Variants in AMZ1 observed in about 807,000 individuals in gnomAD.
The protein encoded by AMZ1 is archaelysin family metallopeptidase 1.
A neutral mutation model predicts 29.9 loss-of-function variants in AMZ1; 39 were observed. The ratio of observed to expected loss-of-function variants is 1.30; its 90% confidence interval spans 1.01 to 1.70. The LOEUF (loss-of-function observed/expected upper bound fraction) is 1.70. AMZ1 is among the 40% of genes most tolerant of loss of function. The pLI is 0.00. For synonymous variants in AMZ1, 458 were observed against 304.0 expected, an observed-to-expected ratio of 1.51 and a Z score of -5.27; for missense variants, 1,041 against 680.6, an observed-to-expected ratio of 1.53 and a Z score of -5.89.
intron 4 of AMZ1, among the ~76,000 whole-genome samples, chr7:2,727,581 G>C (rs1789673853): frequency 6.6e-6 from 1 of 151,862 alleles, no homozygotes; most frequent in Non-Finnish European, 1.5e-5. Flanking sequence ...GGCCTGGGTT[G>C]GTCTCAAACT....
At chr7:2,710,583 G>C (rs1397126171) in intron 6 of AMZ1, among the ~76,000 whole-genome samples, 1 of 152,176 alleles carries the variant, frequency 6.6e-6, no homozygotes, top group Non-Finnish European at 1.5e-5. Flanking sequence ...TTCCTTCTGG[G>C]GTAGAGTGAG....
chr7:2,723,553 C>G (rs536345281), downstream of AMZ1, among the ~76,000 whole-genome samples: 1 of 152,230 alleles, frequency 6.6e-6, no homozygotes, highest in Admixed American at 6.5e-5. Flanking sequence ...TGGGAGCCAG[C>G]TGTCGGACTG....
In AMZ1 at chr7:2,717,982, CG is replaced by C. The variant is rs1789227637; in HGVS notation, c.*5106del. 6.6e-6 allele frequency among the ~76,000 whole-genome samples: 1 copy of C among 152,194 alleles called. No individual in the cohort carries two copies. Among genetic ancestry groups the C allele is most frequent in the Non-Finnish European group, 1.5e-5 (1 of 68,030 alleles). On this transcript the variant is annotated 3_prime_UTR_variant, in exon 7 of 7. Transcript: ENST00000683327. ...AGTCACCGGAGTCGAGCAAACACGG[CG>C]GCCCCTGCCTCCCCCGGCGGCTCCA...
At chr7:2,749,231 A>C (rs1038018225) in intron 4 of AMZ1, among the ~76,000 whole-genome samples, 3 of 152,192 alleles carry the variant, frequency 2.0e-5, no homozygotes, top group Non-Finnish European at 4.4e-5. Context: ...TTGCGGCACT[A>C]TTCACAATAG....
At position 2,713,169 on chromosome 7, in the gene AMZ1, G is replaced by C. The variant is rs1788910390; in HGVS notation, c.*291G>C. On this transcript the variant is annotated 3_prime_UTR_variant, in exon 7 of 7. Transcript: ENST00000683327. The stretch of plus-strand genomic sequence containing the variant: ...AGGTGGGAGGATTGCTTGAGCCTAG[G>C]AGGTCGAGGCTGCAGTGGGATGTGA... 1 of 281,196 alleles carries C rather than the reference G, an allele frequency of 3.6e-6. No homozygotes were observed. Among genetic ancestry groups the C allele is most frequent in the African/African-American group, 2.2e-5 (1 of 45,654 alleles). 17.4% of individuals were successfully genotyped at this position (281,196 alleles called of 1,614,324 possible).
At chr7:2,721,403 G>A (rs185795664), downstream of AMZ1, among the ~76,000 whole-genome samples, 5 of 152,346 alleles carry the variant, frequency 3.3e-5, no homozygotes, top group Admixed American at 3.3e-4. Context: ...AGAATCCACT[G>A]CCACACACAT....
At chr7:2,689,617 G>A (rs1435318641) in intron 1 of AMZ1, among the ~76,000 whole-genome samples, 1 of 152,228 alleles carries the variant, frequency 6.6e-6, no homozygotes, top group African/African-American at 2.4e-5. Context: ...TGTGTCGCCA[G>A]GGCCAAGTCA....
chr7:2,697,804 A>G (rs1787831940), intron 1 of AMZ1, among the ~76,000 whole-genome samples: 2 of 152,188 alleles, frequency 1.3e-5, no homozygotes, highest in African/African-American at 2.4e-5. Context: ...AGGATTATAT[A>G]TGCAGTTGGA....
chr7:2,687,049 C>G (rs1787106518), upstream of AMZ1, among the ~76,000 whole-genome samples: 1 of 146,414 alleles, frequency 6.8e-6, no homozygotes, highest in South Asian at 2.5e-4. Flanking sequence ...TTCTTTGAGG[C>G]TGGGTGTGGT....
chr7:2,733,348 C>A (rs1481360926), intron 4 of AMZ1: 2 of 886,106 alleles, frequency 2.3e-6, no homozygotes, highest in South Asian at 2.8e-5. Flanking sequence ...ACAAGCTCGG[C>A]CTGTCAGTCC....
intron 4 of AMZ1, among the ~76,000 whole-genome samples, chr7:2,753,608 T>C (rs1791142685): frequency 6.6e-6 from 1 of 152,198 alleles, no homozygotes; most frequent in African/African-American, 2.4e-5. Flanking sequence ...ATTTTGGTTG[T>C]TTCTGTATTT....
chr7:2,742,016 A>T (rs973536731), intron 4 of AMZ1, among the ~76,000 whole-genome samples: 11 of 151,310 alleles, frequency 7.3e-5, no homozygotes, highest in Non-Finnish European at 1.6e-4. Context: ...AAACACTTGA[A>T]TTTTTTTATT....
At chr7:2,729,764 T>C (rs1483323746) in intron 4 of AMZ1, 1 of 152,408 alleles carries the variant, frequency 6.6e-6, no homozygotes, top group Non-Finnish European at 1.5e-5. Context: ...TTGTAAATGC[T>C]AGGACACATC....
rs1423318694 is a variant in AMZ1 at position 2,716,584 on chromosome 7, G to A, written c.*3706G>A. Reference sequence around the variant, plus strand: ...TTAGATCCCACCAAGTTCAAAGGGGGAGGCTAGAACATTCCAGGGACACAC... The same window carrying A: ...TTAGATCCCACCAAGTTCAAAGGGGAAGGCTAGAACATTCCAGGGACACAC... On this transcript the variant is annotated 3_prime_UTR_variant, in exon 7 of 7. Coordinates refer to ENST00000683327, the MANE Select transcript of AMZ1 (RefSeq NM_001384743.1). 2 of 152,248 alleles carry A rather than the reference G, an allele frequency of 1.3e-5. No individual in the cohort carries two copies. Among genetic ancestry groups the A allele is most frequent in the Non-Finnish European group, 2.9e-5 (2 of 68,052 alleles). 9.4% of individuals were successfully genotyped at this position (152,248 alleles called of 1,614,324 possible). A position where few individuals can be genotyped will look rare whatever the true frequency, so the allele number is the denominator to read the frequency against.
chr7:2,696,407 C>G (rs1047509357), intron 1 of AMZ1, among the ~76,000 whole-genome samples: 3 of 151,260 alleles, frequency 2.0e-5, no homozygotes, highest in African/African-American at 7.3e-5. Flanking sequence ...CAGGCGCCCG[C>G]CACCACGCCT....
intron 3 of AMZ1, among the ~76,000 whole-genome samples, chr7:2,706,100 T>C (rs1221062005): frequency 6.6e-6 from 1 of 152,338 alleles, no homozygotes; most frequent in South Asian, 2.1e-4. Flanking sequence ...GAAAAGGACA[T>C]GCACTCGGGA....
At chr7:2,737,585 G>A (rs149000108) in intron 4 of AMZ1, among the ~76,000 whole-genome samples, 25 of 152,178 alleles carry the variant, frequency 1.6e-4, no homozygotes, top group Admixed American at 7.2e-4. Context: ...CACAGCGCCC[G>A]GCCCTGTCTT....
In AMZ1 at chr7:2,712,959, C is replaced by T; in HGVS notation, c.*81C>T. 1 of 1,385,224 alleles carries T rather than the reference C, an allele frequency of 7.2e-7. No individual in the cohort carries two copies. The highest frequency in any genetic ancestry group is 2.0e-4 in the Middle Eastern group (1 of 4,920). 85.8% of individuals were successfully genotyped at this position (1,385,224 alleles called of 1,614,324 possible). On this transcript the variant is annotated 3_prime_UTR_variant, in exon 7 of 7. Transcript: ENST00000683327. ...AGTAGCTGAGGCCACTACTGACCTG[C>T]CAGGGATAAAGAGGAAGGGTCTGCC...
At chr7:2,691,869 G>T (rs192959627) in intron 1 of AMZ1, among the ~76,000 whole-genome samples, 1 of 152,276 alleles carries the variant, frequency 6.6e-6, no homozygotes, top group East Asian at 1.9e-4. Context: ...GGAAAGCTGG[G>T]ACACAGACCA....
Sources: gnomAD v4.1 joint callset for allele counts (sites outside exome capture counted in the v4.1 genomes callset) on GRCh38, gnomAD v4.1.1 for gene constraint, MANE v1.5 for transcripts, NCBI Gene and HGNC (gene_info 2026-07-23, HGNC 2026-07-21) for gene names.